MDN1: variants seen among roughly 807,000 people sequenced by gnomAD.
MDN1 encodes the protein midasin AAA ATPase 1.
Under a neutral mutation model 669.2 loss-of-function variants are expected in MDN1, and 266 were observed. That is an observed-to-expected ratio of 0.40 (90% CI 0.36 to 0.44). The LOEUF is 0.44. MDN1 is among the 20% of genes least tolerant of loss of function. MDN1 has a pLI of 1.00. For synonymous variants in MDN1, 2,385 were observed against 2,457.1 expected (o/e 0.97, Z 0.87); for missense variants, 5,940 against 6,754.0 (o/e 0.88, Z 4.22).
intron 8 of MDN1, among the ~76,000 whole-genome samples, chr6:89,787,331 C>T (rs1235928999): frequency 3.3e-5 from 5 of 152,162 alleles, no homozygotes; most frequent in African/African-American, 1.2e-4. Context: ...ACTAAGCACG[C>T]TCAGTTTTTG....
intron 1 of MDN1, chr6:89,815,056 G>C: frequency 2.1e-6 from 1 of 484,830 alleles, no homozygotes; most frequent in Non-Finnish European, 3.9e-6. Flanking sequence ...GGTACAAAAG[G>C]GAGAGCAGTG....
intron 40 of MDN1, 88 bp downstream of exon 40, chr6:89,722,867 A>T: frequency 2.9e-6 from 3 of 1,029,992 alleles, no homozygotes; most frequent in Non-Finnish European, 4.1e-6. Context: ...AAAAAAAAAA[A>T]GGCTTGCAAT....
In MDN1 at chr6:89,793,954, C is replaced by A; in HGVS notation, c.663G>T (p.Arg221Ser). Residue 221 changes from arginine to serine, a missense_variant and splice_region_variant, in exon 5 of 102, where the codon AGG becomes AGT. Arg to Ser is a moderately radical substitution (Grantham distance 110). Coordinates refer to ENST00000369393, the MANE Select transcript of MDN1 (RefSeq NM_014611.3). Reference sequence around the variant, plus strand: ...CCTGCAACTGGGCCTCTTCTAATAACCTGAGAGAAAGGAGAGTCTCGTCAA... The same window carrying A: ...CCTGCAACTGGGCCTCTTCTAATAAACTGAGAGAAAGGAGAGTCTCGTCAA... ...NSDELIHFRL[R>S]LLEEAQLQDL... The A allele has an allele frequency of 6.2e-7, 1 of 1,610,094 alleles. No individual in the cohort carries two copies. Among genetic ancestry groups the A allele is most frequent in the Non-Finnish European group, 8.5e-7 (1 of 1,177,406 alleles).
chr6:89,789,680 A>G lies in MDN1; in HGVS notation c.1230+100T>C, dbSNP rs1054927018. On this transcript the variant is annotated intron_variant, in intron 7 of 101. Transcript: ENST00000369393. ...TGCAACATAGTACGTCTAATCAAAT[A>G]CATTTTTGTTTAAATCATCACCAGA... 6.6e-6 allele frequency: 9 copies of G among 1,371,894 alleles called. No individual in the cohort carries two copies. In the South Asian group the frequency reaches 1.3e-4, roughly 20 times the overall value. The allele number at this position is 1,371,894 out of a possible 1,614,324, so 85.0% of individuals were successfully genotyped here. A position where few individuals can be genotyped will look rare whatever the true frequency, so the allele number is the denominator to read the frequency against.
In MDN1 at chr6:89,684,730, C is replaced by A. The variant is rs1811890422; in HGVS notation, c.11829+146G>T. Reference sequence around the variant, plus strand: ...AAAAGAAGCCAATGCCACCGATGTACATATTGCCATCCTCCCTAGCGGTGG... The same window carrying A: ...AAAAGAAGCCAATGCCACCGATGTAAATATTGCCATCCTCCCTAGCGGTGG... On this transcript the variant is annotated intron_variant, in intron 71 of 101. Transcript: ENST00000369393. The A allele has an allele frequency of 2.5e-5, 14 of 557,692 alleles. No individual in the cohort carries two copies. The South Asian group carries it at 3.6e-4, about 14-fold the overall frequency. The allele number at this position is 557,692 out of a possible 1,614,324, so 34.5% of individuals were successfully genotyped here.
chr6:89,728,506 G>A (rs1815377073), intron 36 of MDN1, among the ~76,000 whole-genome samples: 1 of 152,198 alleles, frequency 6.6e-6, no homozygotes, highest in African/African-American at 2.4e-5. Flanking sequence ...GGAAGGTCAT[G>A]TTGCTGTGGG....
intron 9 of MDN1, among the ~76,000 whole-genome samples, chr6:89,783,976 C>T (rs545630954): frequency 1.2e-4 from 18 of 146,102 alleles, no homozygotes; most frequent in Middle Eastern, 3.5e-3. Flanking sequence ...AAAAAGACTC[C>T]ATCTCAAAAA....
At chr6:89,687,767 A>C (rs1812115549) in intron 67 of MDN1, among the ~76,000 whole-genome samples, 1 of 152,178 alleles carries the variant, frequency 6.6e-6, no homozygotes. Flanking sequence ...CTTAGAGGCC[A>C]TGAGGGCACT....
intron 73 of MDN1, among the ~76,000 whole-genome samples, chr6:89,682,710 A>AAAAAAAAAC (rs1811712138): frequency 6.8e-6 from 1 of 147,932 alleles, no homozygotes; most frequent in Non-Finnish European, 1.5e-5. Context: ...AAAAAAAAAA[A>AAAAAAAAAC]AAAAAAAAAA....
chr6:89,683,310 T>C lies in MDN1; in HGVS notation c.11924A>G (p.Lys3975Arg), dbSNP rs1277312431. 6.2e-7 allele frequency: 1 copy of C among 1,614,130 alleles called. No homozygotes were observed. Among genetic ancestry groups the C allele is most frequent in the Admixed American group, 1.7e-5 (1 of 60,022 alleles). The part of the protein sequence containing the change: ...KTHRTLFKFM[K>R]KFEAVLSEPC... ...TTCACTCAGGACTGCTTCAAATTTC[T>C]TCATGAATTTAAAGAGTGTCCTGTC... Residue 3975 changes from lysine to arginine, a missense_variant, in exon 73 of 102, where the codon AAG becomes AGG. By Grantham distance (26) the Lys-to-Arg change is conservative (BLOSUM62 2). Transcript: ENST00000369393.
In MDN1 at chr6:89,743,232, C is replaced by T. The variant is rs1377100498; in HGVS notation, c.4366G>A (p.Val1456Ile). 6.2e-7 allele frequency: 1 copy of T among 1,613,966 alleles called. No homozygotes were observed. The highest frequency in any genetic ancestry group is 8.5e-7 in the Non-Finnish European group (1 of 1,179,932). Residue 1456 changes from valine to isoleucine, a missense_variant, in exon 31 of 102, where the codon GTT becomes ATT. Val to Ile is a conservative substitution (Grantham distance 29, BLOSUM62 3). Around this residue, in one of 5 missense-constraint regions of MDN1, gnomAD observed 2,292 missense variants for 2,638.3 expected, o/e 0.87. Transcript: ENST00000369393. ...RLFEWHDGPLVQAMKEDGFFL... is the reference protein window; with the variant it reads ...RLFEWHDGPLIQAMKEDGFFL... ...AAGCCGTCCTCCTTCATGGCCTGAA[C>T]CAGAGGCCCATCATGCCACTCAAAG...
intron 2 of MDN1, among the ~76,000 whole-genome samples, chr6:89,796,707 C>T (rs990131198): frequency 2.0e-5 from 3 of 152,030 alleles, no homozygotes; most frequent in Non-Finnish European, 4.4e-5. Flanking sequence ...TTGCTGTGAG[C>T]CTAAAATGGC....
chr6:89,767,849 G>C (rs1817874608), intron 15 of MDN1, among the ~76,000 whole-genome samples: 1 of 151,784 alleles, frequency 6.6e-6, no homozygotes, highest in Non-Finnish European at 1.5e-5. Context: ...GGACCAGCCT[G>C]GGCAATATAG....
chr6:89,651,271 G>A (rs1251392273), intron 95 of MDN1, among the ~76,000 whole-genome samples: 1 of 148,482 alleles, frequency 6.7e-6, no homozygotes, highest in African/African-American at 2.5e-5. Context: ...GTTGCAGTGG[G>A]TCAAGATCGC....
At chr6:89,707,551 G>T in intron 51 of MDN1, 75 bp from the exon 52 acceptor site, 1 of 909,896 alleles carries the variant, frequency 1.1e-6, no homozygotes, top group Non-Finnish European at 1.8e-6. Flanking sequence ...CTATTTGCTG[G>T]AACACTTGGA....
chr6:89,647,939 C>A, intron 99 of MDN1, 93 bp downstream of exon 99: 1 of 956,572 alleles, frequency 1.0e-6, no homozygotes, highest in Non-Finnish European at 1.6e-6. Context: ...GGTGACAGAA[C>A]AAGGTCCTGT....
rs764434043 is a variant in MDN1, at chr6:89,690,135, T to C, written c.10758A>G (p.Ala3586=). 9.3e-6 allele frequency: 15 copies of C among 1,613,912 alleles called. No individual in the cohort carries two copies. The highest frequency in any genetic ancestry group is 3.3e-5 in the Admixed American group (2 of 59,982). The change falls in exon 65 of 102, where the codon GCA becomes GCG. Residue 3586 remains alanine (A), a synonymous_variant. Coordinates refer to ENST00000369393, the MANE Select transcript of MDN1 (RefSeq NM_014611.3). ...KQFPLHEKDF[A]DILVQPTLEE... is the part of the protein sequence containing the mutation. ...CCAACGTTGGCTGCACCAAAATATC[T>C]GCAAAGTCCTATAAATAGCATTAGA...
At chr6:89,815,859 T>A (rs1768789914) in intron 1 of MDN1, among the ~76,000 whole-genome samples, 1 of 152,150 alleles carries the variant, frequency 6.6e-6, no homozygotes, top group Admixed American at 6.5e-5. Flanking sequence ...TCATCCCTGC[T>A]TTCCCTACCA....
chr6:89,670,170 A>ATATATTTTTTTTTTTT (rs1444537561), intron 83 of MDN1, among the ~76,000 whole-genome samples: 5 of 23,410 alleles, frequency 2.1e-4, no homozygotes, highest in Admixed American at 9.6e-4. Flanking sequence ...ATATATATAT[A>ATATATTTTTTTTTTTT]TTTTTTTTTT....
Sources: gnomAD v4.1 joint callset for allele counts (sites outside exome capture counted in the v4.1 genomes callset) on GRCh38, gnomAD v4.1.1 for gene constraint, gnomAD v4.1.1 regional missense constraint, MANE v1.5 for transcripts, NCBI Gene and HGNC (gene_info 2026-07-23, HGNC 2026-07-21) for gene names.